EPM2A: variants seen among roughly 807,000 people sequenced by gnomAD.
The protein encoded by EPM2A is laforin.
EPM2A carries 21 observed loss-of-function variants against 26.5 expected under a neutral mutation model. The ratio of observed to expected loss-of-function variants is 0.79; its 90% CI spans 0.56 to 1.14. The LOEUF is 1.14. Among genes scored for constraint, EPM2A ranks in the 50% most tolerant of loss-of-function variants. The probability of loss-of-function intolerance (pLI) is 0.00; values close to 1 mark genes in which losing one functional copy is unlikely to be tolerated. For missense variants in EPM2A, 458 were observed against 440.8 expected (o/e 1.04, Z -0.35); for synonymous variants, 217 against 177.6 (o/e 1.22, Z -1.76).
At chr6:145,668,715 A>T (rs2128596708) in intron 2 of EPM2A, among the ~76,000 whole-genome samples, 1 of 152,310 alleles carries the variant, frequency 6.6e-6, no homozygotes, top group Non-Finnish European at 1.5e-5. Flanking sequence ...TTGTTCATCT[A>T]TAGCATGAGG....
chr6:145,697,135 T>C (rs1161881535), intron 1 of EPM2A, among the ~76,000 whole-genome samples: 1 of 152,062 alleles, frequency 6.6e-6, no homozygotes, highest in Non-Finnish European at 1.5e-5. Flanking sequence ...TTCTTTTCTA[T>C]TTTCCCTAAG....
chr6:145,556,310 T>C (rs1457631769), intron 2 of EPM2A, among the ~76,000 whole-genome samples: 4 of 152,150 alleles, frequency 2.6e-5, no homozygotes, highest in Non-Finnish European at 5.9e-5. Flanking sequence ...TGAAGTATTT[T>C]AGTTTTTCTC....
chr6:145,389,080 G>A (rs1273293212), intron 4 of EPM2A, among the ~76,000 whole-genome samples: 4 of 152,070 alleles, frequency 2.6e-5, no homozygotes, highest in African/African-American at 7.2e-5. Context: ...TTGAGGAATC[G>A]CCACACTAAT....
intron 2 of EPM2A, among the ~76,000 whole-genome samples, chr6:145,584,866 G>T (rs1327906091): frequency 1.3e-5 from 2 of 152,068 alleles, no homozygotes; most frequent in Non-Finnish European, 2.9e-5. Context: ...CCAATGTCCT[G>T]GTCCCTCCAT....
At chr6:145,663,370 G>A (rs1042541428) in intron 2 of EPM2A, among the ~76,000 whole-genome samples, 21 of 152,344 alleles carry the variant, frequency 1.4e-4, no homozygotes, top group African/African-American at 4.6e-4. Context: ...ACTAGGGAGT[G>A]CCAGACAGTG....
chr6:145,541,630 G>T (rs1258439987), intron 2 of EPM2A, among the ~76,000 whole-genome samples: 1 of 152,098 alleles, frequency 6.6e-6, no homozygotes, highest in Non-Finnish European at 1.5e-5. Context: ...CATTGGCACG[G>T]TTATCTGTCA....
intron 4 of EPM2A, among the ~76,000 whole-genome samples, chr6:145,450,367 A>G (rs1020884071): frequency 4.0e-4 from 61 of 151,634 alleles, no homozygotes; most frequent in African/African-American, 1.4e-3. Flanking sequence ...AAAAAAAAAA[A>G]AAAAAGAAAC....
At chr6:145,734,215 G>A (rs1776678005) in intron 1 of EPM2A, among the ~76,000 whole-genome samples, 1 of 152,236 alleles carries the variant, frequency 6.6e-6, no homozygotes, top group Admixed American at 6.5e-5. Flanking sequence ...CACATTGGTA[G>A]ATGCAGAATA....
At chr6:145,477,288 A>G (rs568410881) in intron 4 of EPM2A, among the ~76,000 whole-genome samples, 5 of 151,900 alleles carry the variant, frequency 3.3e-5, no homozygotes, top group Non-Finnish European at 7.4e-5. Flanking sequence ...GATATAATAA[A>G]AAGTCTTCCA....
chr6:145,710,027 T>C (rs973180948), intron 1 of EPM2A, among the ~76,000 whole-genome samples: 13 of 152,218 alleles, frequency 8.5e-5, no homozygotes, highest in African/African-American at 2.9e-4. Context: ...GAAGAAAACC[T>C]AGGCAATACC....
chr6:145,461,773 G>A (rs1241652267), intron 4 of EPM2A, among the ~76,000 whole-genome samples: 1 of 152,192 alleles, frequency 6.6e-6, no homozygotes, highest in Non-Finnish European at 1.5e-5. Flanking sequence ...GCAATAGTGA[G>A]CCCCAGCTAT....
downstream of EPM2A, among the ~76,000 whole-genome samples, chr6:145,623,268 C>A (rs1158387314): frequency 6.6e-6 from 1 of 152,100 alleles, no homozygotes; most frequent in Non-Finnish European, 1.5e-5. Context: ...AATATGTAGG[C>A]CATTAATAAG....
intron 2 of EPM2A, among the ~76,000 whole-genome samples, chr6:145,645,222 A>G (rs1052006300): frequency 2.6e-5 from 4 of 152,178 alleles, no homozygotes; most frequent in African/African-American, 9.7e-5. Flanking sequence ...ATTTTTATCA[A>G]CTAAAATTGT....
At chr6:145,514,816 G>T (rs1486365430) in intron 2 of EPM2A, among the ~76,000 whole-genome samples, 2 of 152,112 alleles carry the variant, frequency 1.3e-5, no homozygotes, top group African/African-American at 2.4e-5. Flanking sequence ...TAGTGCCAAG[G>T]TCCAGAAATC....
chr6:145,396,517 A>T (rs538970997), intron 4 of EPM2A, among the ~76,000 whole-genome samples: 5 of 152,198 alleles, frequency 3.3e-5, no homozygotes, highest in South Asian at 4.2e-4. Context: ...CAGACAAATG[A>T]TTCAATGGAG....
intron 4 of EPM2A, among the ~76,000 whole-genome samples, chr6:145,457,389 C>G (rs959718747): frequency 6.7e-6 from 1 of 149,004 alleles, no homozygotes; most frequent in Non-Finnish European, 1.5e-5. Flanking sequence ...GAGGCTGAGG[C>G]AGGAGAACTG....
chr6:145,726,392 A>G (rs1776208220), intron 1 of EPM2A, among the ~76,000 whole-genome samples: 1 of 152,162 alleles, frequency 6.6e-6, no homozygotes, highest in Non-Finnish European at 1.5e-5. Context: ...AAATTAATGT[A>G]GATATTCTGC....
intron 1 of EPM2A, among the ~76,000 whole-genome samples, chr6:145,707,349 TG>T (rs572534853): frequency 1.5e-3 from 222 of 152,210 alleles, no homozygotes; most frequent in African/African-American, 4.8e-3. Context: ...AGTAAATAAT[TG>T]CCAGATTGTG....
At chr6:145,614,144 C>T (rs1242565648) in intron 2 of EPM2A, among the ~76,000 whole-genome samples, 2 of 152,214 alleles carry the variant, frequency 1.3e-5, no homozygotes, top group African/African-American at 2.4e-5. Context: ...GCTGTTTCAC[C>T]TTGTACTTTT....
Sources: allele counts gnomAD v4.1 joint callset (sites outside exome capture counted in the v4.1 genomes callset), GRCh38; gene constraint gnomAD v4.1.1; transcripts MANE v1.5; gene names NCBI Gene and HGNC (gene_info 2026-07-23, HGNC 2026-07-21).